The following INO80 variants were observed in gnomAD, a reference collection of about 807,000 sequenced individuals.
INO80 encodes the protein INO80 complex ATPase subunit.
In INO80, 20 loss-of-function variants were observed where a neutral mutation model predicts 203.4. The ratio of observed to expected loss-of-function variants is 0.10; its 90% confidence interval spans 0.07 to 0.14. The LOEUF is 0.14. INO80 is among the 10% of genes least tolerant of loss of function. The probability of loss-of-function intolerance (pLI) is 1.00; values close to 1 mark genes in which losing one functional copy is unlikely to be tolerated. For synonymous variants in INO80, 726 were observed against 685.2 expected, an observed-to-expected ratio of 1.06 and a Z score of -0.93; for missense variants, 1,419 against 1,914.4, an observed-to-expected ratio of 0.74 and a Z score of 4.83.
intron 31 of INO80, 76 bp downstream of exon 31, chr15:40,987,015 A>G: frequency 5.0e-6 from 4 of 795,622 alleles, no homozygotes; most frequent in Non-Finnish European, 4.3e-6. Flanking sequence ...GGCTTTGCCT[A>G]CCCTTGGCAC....
rs751870566 is a variant in INO80 at position 41,074,494 on chromosome 15, G to A, written c.1203C>T (p.Arg401=). 2 of 1,613,846 alleles carry A rather than the reference G, an allele frequency of 1.2e-6. No individual in the cohort carries two copies. Among genetic ancestry groups the A allele is most frequent in the Admixed American group, 3.3e-5 (2 of 59,990 alleles). The change falls in exon 10 of 36, where the codon CGC becomes CGT. Residue 401 remains arginine (R), a synonymous_variant. Coordinates refer to ENST00000648947, the MANE Select transcript of INO80 (RefSeq NM_017553.3). ...TACCATCATGACCCATATCTCGTTT[G>A]CGACTCATGAAATGGGCATACAACT... ...QTELYAHFMS[R]KRDMGHDGIQ...
At chr15:41,058,926 G>T in intron 15 of INO80, 145 bp from the exon 16 acceptor site, 1 of 732,620 alleles carries the variant, frequency 1.4e-6, no homozygotes, top group Non-Finnish European at 2.2e-6. Context: ...GATGTGCAGT[G>T]AAGTGAACCA....
chr15:41,005,008 A>T (rs900777213), intron 28 of INO80: 1 of 152,056 alleles, frequency 6.6e-6, no homozygotes, highest in Non-Finnish European at 1.5e-5. Flanking sequence ...CAGTCTGGCC[A>T]ACATGGTGAA....
chr15:41,003,088 C>G (rs1269274594), intron 28 of INO80, among the ~76,000 whole-genome samples: 1 of 151,930 alleles, frequency 6.6e-6, no homozygotes, highest in Non-Finnish European at 1.5e-5. Context: ...CCACTGCACT[C>G]CAGCCTGGGT....
intron 29 of INO80, among the ~76,000 whole-genome samples, chr15:40,993,313 G>GA (rs1187322004): frequency 6.6e-6 from 1 of 151,846 alleles, no homozygotes; most frequent in African/African-American, 2.4e-5. Context: ...AACAACCGGA[G>GA]AAACTATTCC....
intron 17 of INO80, 103 bp from the exon 18 acceptor site, chr15:41,055,467 C>G: frequency 1.9e-6 from 1 of 532,314 alleles, no homozygotes; most frequent in Non-Finnish European, 3.3e-6. Context: ...TGTGTAAGTG[C>G]CTAGATGCAT....
At chr15:41,045,382 A>G (rs1382953287) in intron 23 of INO80, among the ~76,000 whole-genome samples, 3 of 152,066 alleles carry the variant, frequency 2.0e-5, no homozygotes, top group Non-Finnish European at 4.4e-5. Flanking sequence ...TGAGGTCAGG[A>G]GTTTGAGACC....
intron 1 of INO80, among the ~76,000 whole-genome samples, chr15:41,104,413 TC>T (rs1447291477): frequency 6.6e-6 from 1 of 152,102 alleles, no homozygotes; most frequent in Non-Finnish European, 1.5e-5. Context: ...GCCAACAGCT[TC>T]ATGTTAATGG....
intron 1 of INO80, among the ~76,000 whole-genome samples, chr15:41,108,209 TA>T (rs2045908585): frequency 6.6e-6 from 1 of 152,164 alleles, no homozygotes; most frequent in African/African-American, 2.4e-5. Context: ...GCAGTAACTT[TA>T]ACTGAATTAA....
intron 24 of INO80, among the ~76,000 whole-genome samples, chr15:41,032,032 GCACAGC>G (rs2044490738): frequency 6.2e-5 from 5 of 80,344 alleles, no homozygotes; most frequent in African/African-American, 1.4e-4. Context: ...GCACAGCACA[GCACAGC>G]ACAGCACAGC....
chr15:41,070,857 G>T (rs2045298851), intron 12 of INO80, among the ~76,000 whole-genome samples: 1 of 152,144 alleles, frequency 6.6e-6, no homozygotes. Context: ...TCTCCAGTAG[G>T]ATCTCCAGGT....
chr15:41,078,178 G>A (rs1445844003), intron 9 of INO80, among the ~76,000 whole-genome samples: 1 of 152,102 alleles, frequency 6.6e-6, no homozygotes, highest in Non-Finnish European at 1.5e-5. Flanking sequence ...GATTACAGAC[G>A]TGAGCCACCG....
chr15:40,986,486 G>A (rs1319487202), intron 31 of INO80, among the ~76,000 whole-genome samples: 1 of 151,538 alleles, frequency 6.6e-6, no homozygotes. Context: ...CACCACGCCC[G>A]ACTAATATTT....
At chr15:41,023,223 T>C (rs1426573613) in intron 25 of INO80, 1 of 452,542 alleles carries the variant, frequency 2.2e-6, no homozygotes, top group South Asian at 1.6e-5. Context: ...AGCAAATAAA[T>C]ACAGGAATAC....
At chr15:41,038,654 T>G (rs1230716833) in intron 24 of INO80, among the ~76,000 whole-genome samples, 1 of 152,302 alleles carries the variant, frequency 6.6e-6, no homozygotes, top group South Asian at 2.1e-4. Flanking sequence ...TCCAAACTGA[T>G]CAAAGTCCCT....
At chr15:41,054,221 T>C (rs112281984) in intron 18 of INO80, among the ~76,000 whole-genome samples, 1 of 152,354 alleles carries the variant, frequency 6.6e-6, no homozygotes, top group African/African-American at 2.4e-5. Context: ...AGGATAAATA[T>C]ACTAGGCTCT....
chr15:41,032,574 T>C (rs1383420825), intron 24 of INO80, among the ~76,000 whole-genome samples: 1 of 152,148 alleles, frequency 6.6e-6, no homozygotes, highest in African/African-American at 2.4e-5. Flanking sequence ...CTTCAATCAA[T>C]AGCCCGTCAA....
chr15:41,099,028 T>C (rs2045765677), intron 1 of INO80, among the ~76,000 whole-genome samples: 1 of 151,750 alleles, frequency 6.6e-6, no homozygotes, highest in Admixed American at 6.6e-5. Flanking sequence ...GTGGATCCCT[T>C]GAGCCCAGGA....
intron 30 of INO80, 140 bp from the exon 31 acceptor site, chr15:40,987,333 T>C: frequency 1.8e-6 from 1 of 570,542 alleles, no homozygotes; most frequent in East Asian, 2.8e-5. Context: ...TCCCTTTTCA[T>C]TTCAGTTCAT....
Sources: allele counts gnomAD v4.1 joint callset (sites outside exome capture counted in the v4.1 genomes callset), GRCh38; gene constraint gnomAD v4.1.1; transcripts MANE v1.5; gene names NCBI Gene and HGNC (gene_info 2026-07-23, HGNC 2026-07-21).